The following AFG1L variants were observed in gnomAD, a reference collection of about 807,000 sequenced individuals.
The protein encoded by AFG1L is AFG1-like ATPase.
AFG1L carries 53 observed loss-of-function variants against 62.2 expected under a neutral mutation model. The observed-to-expected ratio is 0.85, with a 90% CI of 0.68 to 1.07. The LOEUF is 1.07. Among genes scored for constraint, AFG1L ranks in the 50% least tolerant of loss-of-function variants. The pLI, the probability that AFG1L is intolerant of heterozygous loss-of-function variation, is 0.00. For missense variants in AFG1L, 555 were observed against 590.5 expected (o/e 0.94, Z 0.62); for synonymous variants, 228 against 210.3 (o/e 1.08, Z -0.73).
At chr6:108,404,966 G>A (rs1379287165) in intron 7 of AFG1L, among the ~76,000 whole-genome samples, 2 of 152,104 alleles carry the variant, frequency 1.3e-5, no homozygotes, top group East Asian at 3.8e-4. Context: ...CTGACCTCAA[G>A]TGATCTGCCT....
chr6:108,487,893 G>A (rs1399051820), intron 10 of AFG1L, among the ~76,000 whole-genome samples: 1 of 152,194 alleles, frequency 6.6e-6, no homozygotes, highest in Non-Finnish European at 1.5e-5. Context: ...ATCAGGCAGA[G>A]AAATAGTCTT....
intron 1 of AFG1L, chr6:108,318,221 G>A (rs1433809543): frequency 3.4e-5 from 10 of 292,484 alleles, no homozygotes; most frequent in Non-Finnish European, 6.6e-5. Flanking sequence ...AGGAAGCAGA[G>A]TGGCTATCAT....
At chr6:108,368,037 G>A (rs918651657) in intron 6 of AFG1L, among the ~76,000 whole-genome samples, 1 of 152,052 alleles carries the variant, frequency 6.6e-6, no homozygotes, top group Non-Finnish European at 1.5e-5. Context: ...GTAGCCTGCT[G>A]TGAAACTAGG....
At chr6:108,315,040 C>T (rs571247410) in intron 1 of AFG1L, among the ~76,000 whole-genome samples, 113 of 151,962 alleles carry the variant, frequency 7.4e-4, no homozygotes, top group Non-Finnish European at 1.4e-3. Flanking sequence ...GAGGTTTCAC[C>T]ATGTTGGCCA....
intron 7 of AFG1L, among the ~76,000 whole-genome samples, chr6:108,404,517 G>A (rs928458526): frequency 6.6e-6 from 1 of 151,774 alleles, no homozygotes; most frequent in Non-Finnish European, 1.5e-5. Flanking sequence ...GTACTCTTCG[G>A]TTGTTTTGTA....
chr6:108,382,260 AAAGTGC>A, intron 6 of AFG1L, among the ~76,000 whole-genome samples: 2 of 152,070 alleles, frequency 1.3e-5, no homozygotes, highest in East Asian at 3.8e-4. Flanking sequence ...TTGGCTTCCC[AAAGTGC>A]TGGGATTACA....
At chr6:108,397,959 G>C (rs930364072) in intron 6 of AFG1L, among the ~76,000 whole-genome samples, 1 of 152,098 alleles carries the variant, frequency 6.6e-6, no homozygotes, top group African/African-American at 2.4e-5. Flanking sequence ...CTTTCTTTTG[G>C]ATATATACCC....
intron 8 of AFG1L, among the ~76,000 whole-genome samples, chr6:108,458,644 T>C (rs555509931): frequency 6.6e-6 from 1 of 152,304 alleles, no homozygotes; most frequent in East Asian, 1.9e-4. Flanking sequence ...TTTGTTCTTA[T>C]ACTCATGCCT....
chr6:108,409,397 T>G (rs1055842186), intron 7 of AFG1L, among the ~76,000 whole-genome samples: 5 of 152,092 alleles, frequency 3.3e-5, no homozygotes, highest in African/African-American at 1.2e-4. Context: ...ATGGGTCCTA[T>G]CTGTAGAGAC....
At chr6:108,398,317 A>G (rs1449721494) in intron 6 of AFG1L, among the ~76,000 whole-genome samples, 2 of 152,210 alleles carry the variant, frequency 1.3e-5, no homozygotes, top group African/African-American at 2.4e-5. Flanking sequence ...TTTTTTCCCT[A>G]TAGAGTTATT....
intron 7 of AFG1L, among the ~76,000 whole-genome samples, chr6:108,420,899 A>G (rs964718661): frequency 5.9e-5 from 9 of 152,270 alleles, no homozygotes; most frequent in South Asian, 2.1e-4. Flanking sequence ...GATGACAAAA[A>G]TGGCTTAAAG....
chr6:108,419,573 G>A (rs951128049), intron 7 of AFG1L, among the ~76,000 whole-genome samples: 2 of 151,994 alleles, frequency 1.3e-5, no homozygotes, highest in Non-Finnish European at 2.9e-5. Context: ...TTATTTGTTC[G>A]GTTTAAATAT....
At chr6:108,425,169 A>G (rs1333037553) in intron 7 of AFG1L, among the ~76,000 whole-genome samples, 1 of 152,158 alleles carries the variant, frequency 6.6e-6, no homozygotes, top group Non-Finnish European at 1.5e-5. Context: ...TCTAGGTTGT[A>G]ACCAGAGGTT....
intron 8 of AFG1L, among the ~76,000 whole-genome samples, chr6:108,454,388 G>A (rs1388857343): frequency 6.6e-6 from 1 of 152,126 alleles, no homozygotes; most frequent in East Asian, 1.9e-4. Context: ...TGGCCTTTGA[G>A]GGCCCATTAG....
At chr6:108,339,614 C>T (rs1314261520) in intron 2 of AFG1L, among the ~76,000 whole-genome samples, 1 of 151,944 alleles carries the variant, frequency 6.6e-6, no homozygotes, top group African/African-American at 2.4e-5. Context: ...TGTGTGCCAC[C>T]ATGTCTGGCT....
At position 108,498,104 on chromosome 6, in the gene AFG1L, C is replaced by G. The variant is rs538748687; in HGVS notation, c.1063-12108C>G. 9.8e-5 allele frequency among the ~76,000 whole-genome samples: 15 copies of G among 152,304 alleles called. No individual in the cohort carries two copies. In the South Asian group the frequency reaches 2.7e-3, roughly 27 times the overall value. Reference sequence around the variant, plus strand: ...TGTCCTTTTTGTGTTCTCTCCTCCTCCAGCAGGCTAGCCGAGGTATTGCAA... The same window carrying G: ...TGTCCTTTTTGTGTTCTCTCCTCCTGCAGCAGGCTAGCCGAGGTATTGCAA... On this transcript the variant is annotated intron_variant, in intron 10 of 12. Coordinates refer to ENST00000368977, the MANE Select transcript of AFG1L (RefSeq NM_145315.5).
intron 6 of AFG1L, among the ~76,000 whole-genome samples, chr6:108,370,108 G>C (rs530504156): frequency 1.4e-5 from 2 of 142,390 alleles, no homozygotes; most frequent in East Asian, 4.2e-4. Flanking sequence ...TGGAGAGTGA[G>C]GGGGAGAAGG....
intron 8 of AFG1L, among the ~76,000 whole-genome samples, chr6:108,463,699 A>C (rs896071539): frequency 3.9e-5 from 6 of 152,162 alleles, no homozygotes; most frequent in African/African-American, 1.4e-4. Flanking sequence ...GTGATTGAGA[A>C]GGGTGGGAAA....
chr6:108,405,466 C>G (rs1430897210), intron 7 of AFG1L, among the ~76,000 whole-genome samples: 1 of 152,170 alleles, frequency 6.6e-6, no homozygotes, highest in Non-Finnish European at 1.5e-5. Context: ...CCTGCCCCAG[C>G]CTCCTGAGTA....
Sources: gnomAD v4.1 joint callset for allele counts (sites outside exome capture counted in the v4.1 genomes callset) on GRCh38, gnomAD v4.1.1 for gene constraint, MANE v1.5 for transcripts, NCBI Gene and HGNC (gene_info 2026-07-23, HGNC 2026-07-21) for gene names.